Variants in KCNJ6 observed in about 807,000 individuals in gnomAD.
KCNJ6 encodes the protein potassium inwardly rectifying channel subfamily J member 6.
KCNJ6 carries 9 observed loss-of-function variants against 34.2 expected under a neutral mutation model. That is an observed-to-expected ratio of 0.26 (90% CI 0.16 to 0.46). KCNJ6 has a LOEUF of 0.46. KCNJ6 is among the 20% of genes least tolerant of loss of function. The pLI is 1.00. For synonymous variants in KCNJ6, 196 were observed against 207.1 expected, an observed-to-expected ratio of 0.95 and a Z score of 0.46; for missense variants, 236 against 531.3, an observed-to-expected ratio of 0.44 and a Z score of 5.46.
At chr21:37,677,122 C>G (rs2054568374) in intron 3 of KCNJ6, among the ~76,000 whole-genome samples, 1 of 152,206 alleles carries the variant, frequency 6.6e-6, no homozygotes, top group South Asian at 2.1e-4. Context: ...CTGGCAGTGC[C>G]CACCACTCTG....
At chr21:37,904,002 C>T (rs77565141) in intron 1 of KCNJ6, among the ~76,000 whole-genome samples, 6 of 152,108 alleles carry the variant, frequency 3.9e-5, no homozygotes, top group African/African-American at 1.4e-4. Flanking sequence ...TTAAGAAAAC[C>T]TTATTAATGC....
chr21:37,877,651 G>A (rs572862856), intron 1 of KCNJ6, among the ~76,000 whole-genome samples: 41 of 151,958 alleles, frequency 2.7e-4, no homozygotes, highest in African/African-American at 9.9e-4. Flanking sequence ...CCTTATGGAA[G>A]GCAGAACAGA....
At chr21:37,792,784 T>C (rs1271660387) in intron 2 of KCNJ6, among the ~76,000 whole-genome samples, 1 of 152,182 alleles carries the variant, frequency 6.6e-6, no homozygotes, top group Non-Finnish European at 1.5e-5. Flanking sequence ...CAGTAAAGAT[T>C]ACAGGACAGA....
chr21:37,713,125 G>A (rs2054771199), intron 3 of KCNJ6, among the ~76,000 whole-genome samples: 1 of 152,124 alleles, frequency 6.6e-6, no homozygotes, highest in Non-Finnish European at 1.5e-5. Context: ...GGTACAGGGA[G>A]GTAGAAACAT....
At chr21:37,906,214 T>C (rs1036428072) in intron 1 of KCNJ6, among the ~76,000 whole-genome samples, 1 of 152,230 alleles carries the variant, frequency 6.6e-6, no homozygotes, top group East Asian at 1.9e-4. Flanking sequence ...AGTGTGATCA[T>C]GAGTATTTTT....
intron 2 of KCNJ6, among the ~76,000 whole-genome samples, chr21:37,724,161 T>C (rs1378204969): frequency 6.6e-6 from 1 of 152,004 alleles, no homozygotes; most frequent in East Asian, 1.9e-4. Context: ...AGTGATATGA[T>C]TGAGTATTTT....
chr21:37,906,815 T>C (rs550853703), intron 1 of KCNJ6, among the ~76,000 whole-genome samples: 1 of 152,176 alleles, frequency 6.6e-6, no homozygotes, highest in African/African-American at 2.4e-5. Flanking sequence ...GGTTCTTTAT[T>C]TGCCGTCCTC....
chr21:37,758,617 T>C (rs1417540837), intron 2 of KCNJ6, among the ~76,000 whole-genome samples: 1 of 152,122 alleles, frequency 6.6e-6, no homozygotes, highest in African/African-American at 2.4e-5. Flanking sequence ...AGTAAGGGAT[T>C]GTACAGACAT....
chr21:37,721,059 A>ATTTTTTGT, intron 2 of KCNJ6, among the ~76,000 whole-genome samples: 1 of 152,366 alleles, frequency 6.6e-6, no homozygotes, highest in East Asian at 1.9e-4. Flanking sequence ...TCCAGAATAT[A>ATTTTTTGT]TAAAGAACTC....
At position 37,619,779 on chromosome 21, in the gene KCNJ6, A is replaced by G. The variant is rs1336073352; in HGVS notation, c.*5380T>C. The G allele has an allele frequency of 6.6e-6, 1 of 152,256 alleles. No individual in the cohort carries two copies. Among genetic ancestry groups the G allele is most frequent in the Non-Finnish European group, 1.5e-5 (1 of 68,066 alleles). 9.4% of individuals were successfully genotyped at this position (152,256 alleles called of 1,614,324 possible). A position where few individuals can be genotyped will look rare whatever the true frequency, so the allele number is the denominator to read the frequency against. On this transcript the variant is annotated 3_prime_UTR_variant, in exon 4 of 4. Transcript: ENST00000609713. ...GAGACTGGCAGCCTGAGCTATGTAC[A>G]TCATCCAACGCCTGAGGGTGCCACT...
chr21:37,815,934 G>A (rs1174357313), intron 2 of KCNJ6, among the ~76,000 whole-genome samples: 1 of 152,222 alleles, frequency 6.6e-6, no homozygotes, highest in Non-Finnish European at 1.5e-5. Context: ...AGCGCTAAGA[G>A]TGCATCTTCT....
At chr21:37,782,569 A>G (rs187568987) in intron 2 of KCNJ6, among the ~76,000 whole-genome samples, 2 of 152,258 alleles carry the variant, frequency 1.3e-5, no homozygotes, top group Admixed American at 1.3e-4. Flanking sequence ...TCATGGCCAC[A>G]ACTCCCTCCA....
rs754843241 is a variant in KCNJ6 at position 37,619,053 on chromosome 21, A to C, written c.*6106T>G. 1 of 152,228 alleles carries C rather than the reference A, an allele frequency of 6.6e-6. No individual in the cohort carries two copies. The highest frequency in any genetic ancestry group is 2.4e-5 in the African/African-American group (1 of 41,462). 9.4% of individuals were successfully genotyped at this position (152,228 alleles called of 1,614,324 possible). On this transcript the variant is annotated 3_prime_UTR_variant, in exon 4 of 4. Transcript: ENST00000609713. ...ATATTGTAGATACCATTACCTACTTAGTTTCAGACGCAGGATCAAATCCAT... is the reference window on the plus strand; with the variant it reads ...ATATTGTAGATACCATTACCTACTTCGTTTCAGACGCAGGATCAAATCCAT...
chr21:37,778,800 C>G (rs1227032559), intron 2 of KCNJ6, among the ~76,000 whole-genome samples: 1 of 151,802 alleles, frequency 6.6e-6, no homozygotes, highest in Non-Finnish European at 1.5e-5. Flanking sequence ...ATGTGTACCC[C>G]CCACTTATTC....
chr21:37,720,922 T>C lies in KCNJ6; in HGVS notation c.26-5791A>G, dbSNP rs1415025264. ...CGGGGTTTCACCTTGTTAGCCAGGATGGTCTCGATCTCCTGACCTCATGAT... is the reference window on the plus strand; with the variant it reads ...CGGGGTTTCACCTTGTTAGCCAGGACGGTCTCGATCTCCTGACCTCATGAT... On this transcript the variant is annotated intron_variant, in intron 2 of 3. Coordinates refer to ENST00000609713, the MANE Select transcript of KCNJ6 (RefSeq NM_002240.5). 7.2e-5 allele frequency among the ~76,000 whole-genome samples: 11 copies of C among 151,858 alleles called. No individual in the cohort carries two copies. In the South Asian group the frequency reaches 2.3e-3, roughly 32 times the overall value.
chr21:37,722,321 C>T (rs935511641), intron 2 of KCNJ6, among the ~76,000 whole-genome samples: 2 of 152,164 alleles, frequency 1.3e-5, no homozygotes, highest in Admixed American at 1.3e-4. Context: ...ACATCCCATG[C>T]TCATGGACTG....
intron 2 of KCNJ6, among the ~76,000 whole-genome samples, chr21:37,761,064 AG>A (rs1265342635): frequency 6.6e-6 from 1 of 152,176 alleles, no homozygotes; most frequent in East Asian, 1.9e-4. Flanking sequence ...AAGCCTTGCC[AG>A]GGGACGCCCC....
chr21:37,607,482 A>ATATATATATATATATTTT lies in KCNJ6; in HGVS notation c.*17676_*17677insAAAATATATATATATATA. ...CTTAAAGATATATATATATATATATATTTTTTTTTTATTTTAAAAAAATTT... is the reference window on the plus strand; with the variant it reads ...CTTAAAGATATATATATATATATATATATATATATATATATTTTTTTTTTTTTTATTTTAAAAAAATTT... On this transcript the variant is annotated 3_prime_UTR_variant, in exon 4 of 4. Coordinates refer to ENST00000609713, the MANE Select transcript of KCNJ6 (RefSeq NM_002240.5). The ATATATATATATATATTTT allele has an allele frequency of 2.7e-3, 372 of 136,692 alleles. No individual in the cohort carries two copies. The highest frequency in any genetic ancestry group is 0.01 in the East Asian group (44 of 4,366). The allele number at this position is 136,692 out of a possible 1,614,324, so 8.5% of individuals were successfully genotyped here.
chr21:37,653,777 T>A (rs2054444590), intron 3 of KCNJ6, among the ~76,000 whole-genome samples: 1 of 152,232 alleles, frequency 6.6e-6, no homozygotes, highest in African/African-American at 2.4e-5. Flanking sequence ...TGATGTACTA[T>A]GTTCCATTCT....
Sources: gnomAD v4.1 joint callset for allele counts (sites outside exome capture counted in the v4.1 genomes callset) on GRCh38, gnomAD v4.1.1 for gene constraint, MANE v1.5 for transcripts, NCBI Gene and HGNC (gene_info 2026-07-23, HGNC 2026-07-21) for gene names.